The following GPC6 variants were observed in gnomAD, a reference collection of about 807,000 sequenced individuals.
GPC6 encodes glypican-6.
A neutral mutation model predicts 55.2 loss-of-function variants in GPC6; 14 were observed. The ratio of observed to expected loss-of-function variants is 0.25; its 90% confidence interval spans 0.17 to 0.40. GPC6 has a LOEUF of 0.40. Among genes scored for constraint, GPC6 ranks in the 10% least tolerant of loss-of-function variants. GPC6 has a pLI of 1.00. For synonymous variants in GPC6, 278 were observed against 259.6 expected (o/e 1.07, Z -0.68); for missense variants, 641 against 708.5 (o/e 0.90, Z 1.08).
intron 4 of GPC6, among the ~76,000 whole-genome samples, chr13:94,126,040 G>A (rs1255061797): frequency 2.0e-5 from 3 of 152,040 alleles, no homozygotes; most frequent in Admixed American, 1.3e-4. Flanking sequence ...AATATAAGGA[G>A]GGCATCATGA....
At chr13:93,591,625 T>A (rs1320200008) in intron 2 of GPC6, among the ~76,000 whole-genome samples, 1 of 152,208 alleles carries the variant, frequency 6.6e-6, no homozygotes, top group Non-Finnish European at 1.5e-5. Context: ...TTTCAGTATG[T>A]TTCAGAAGTC....
At chr13:93,730,444 T>C in intron 2 of GPC6, among the ~76,000 whole-genome samples, 1 of 152,228 alleles carries the variant, frequency 6.6e-6, no homozygotes, top group East Asian at 1.9e-4. Context: ...CTTGTTGCTG[T>C]TTCATTGCAT....
intron 2 of GPC6, among the ~76,000 whole-genome samples, chr13:93,656,667 A>G (rs1375920259): frequency 6.6e-6 from 1 of 152,114 alleles, no homozygotes; most frequent in Non-Finnish European, 1.5e-5. Flanking sequence ...AATATATCTA[A>G]TATTTGCAGC....
intron 1 of GPC6, among the ~76,000 whole-genome samples, chr13:93,277,968 A>G (rs987635081): frequency 2.0e-5 from 3 of 152,188 alleles, no homozygotes; most frequent in African/African-American, 7.2e-5. Flanking sequence ...AGTGTATATT[A>G]TATCCCAGTG....
intron 4 of GPC6, among the ~76,000 whole-genome samples, chr13:94,143,497 T>TTC (rs952791215): frequency 6.6e-6 from 1 of 152,204 alleles, no homozygotes; most frequent in Non-Finnish European, 1.5e-5. Context: ...AATCATGACA[T>TTC]TCTTCTCAGA....
intron 4 of GPC6, among the ~76,000 whole-genome samples, chr13:94,116,470 T>C (rs928294111): frequency 2.0e-5 from 3 of 152,080 alleles, no homozygotes; most frequent in Non-Finnish European, 4.4e-5. Context: ...CCTGAACACA[T>C]TGAGCTTAGA....
chr13:94,101,109 C>T (rs1043928140), intron 4 of GPC6, among the ~76,000 whole-genome samples: 4 of 152,246 alleles, frequency 2.6e-5, no homozygotes, highest in African/African-American at 9.6e-5. Flanking sequence ...TCTTGCTTCT[C>T]TTTCTTTCTG....
At chr13:94,005,648 C>T (rs1055416902) in intron 3 of GPC6, among the ~76,000 whole-genome samples, 14 of 152,178 alleles carry the variant, frequency 9.2e-5, no homozygotes, top group African/African-American at 3.4e-4. Context: ...TCAATTTCCT[C>T]ATCCCTTGAT....
intron 4 of GPC6, among the ~76,000 whole-genome samples, chr13:94,085,087 G>C (rs180929473): frequency 6.6e-6 from 1 of 151,966 alleles, no homozygotes; most frequent in Non-Finnish European, 1.5e-5. Context: ...ACTTTGGGAG[G>C]CCGAGGCAGG....
intron 2 of GPC6, among the ~76,000 whole-genome samples, chr13:93,720,027 T>C (rs1226281979): frequency 2.6e-5 from 4 of 152,110 alleles, no homozygotes; most frequent in African/African-American, 9.7e-5. Flanking sequence ...TCATCTGATA[T>C]ATTGGCCTGA....
At chr13:93,704,927 G>A (rs1451518200) in intron 2 of GPC6, among the ~76,000 whole-genome samples, 1 of 151,906 alleles carries the variant, frequency 6.6e-6, no homozygotes, top group Admixed American at 6.6e-5. Context: ...AGGGCAGTCT[G>A]CTTGGATCTT....
rs373280105 is a variant in GPC6, at chr13:93,302,441, A to G, written c.160+74825A>G. Among the ~76,000 whole-genome samples the G allele has an allele frequency of 1.2e-3, 176 of 152,332 alleles. 1 individual carries two copies. The highest frequency in any genetic ancestry group is 3.7e-3 in the African/African-American group (154 of 41,582). On this transcript the variant is annotated intron_variant, in intron 1 of 8. Transcript: ENST00000377047. Reference sequence around the variant, plus strand: ...TTTTAACCTGGAGTATGTTTTAAGAATAGCACTTTGTATTCAGTGGACAGT... The same window carrying G: ...TTTTAACCTGGAGTATGTTTTAAGAGTAGCACTTTGTATTCAGTGGACAGT...
At chr13:93,972,214 C>A (rs756683471) in intron 3 of GPC6, among the ~76,000 whole-genome samples, 1 of 152,172 alleles carries the variant, frequency 6.6e-6, no homozygotes, top group Admixed American at 6.5e-5. Context: ...GTTTGCTATC[C>A]GCTATCAAAT....
chr13:93,389,233 T>G (rs1352315198), intron 1 of GPC6, among the ~76,000 whole-genome samples: 2 of 151,996 alleles, frequency 1.3e-5, no homozygotes, highest in East Asian at 3.9e-4. Flanking sequence ...CACGGTGGCT[T>G]ATGCCTGTAA....
At chr13:93,444,859 C>T (rs34136695) in intron 1 of GPC6, among the ~76,000 whole-genome samples, 32,230 of 151,968 alleles carry the variant, frequency 0.21, 3,578 homozygotes, top group Middle Eastern at 0.28. Flanking sequence ...CCAAATATGT[C>T]TAATATTTTG....
rs1466052879 is a variant in GPC6 at position 94,407,568 on chromosome 13, CA to C, written c.*4352del. Among the ~76,000 whole-genome samples, 4 of 152,122 alleles carry C rather than the reference CA, an allele frequency of 2.6e-5. No individual in the cohort carries two copies. Among genetic ancestry groups the C allele is most frequent in the African/African-American group, 7.2e-5 (3 of 41,438 alleles). ...CCTAAGTACACTCAGCATCTGAAAT[CA>C]GGAACTATTTGAACTTTAGAACATT... On this transcript the variant is annotated 3_prime_UTR_variant, in exon 9 of 9. Transcript: ENST00000377047.
chr13:94,034,301 C>T (rs909930930), intron 4 of GPC6, among the ~76,000 whole-genome samples: 2 of 152,078 alleles, frequency 1.3e-5, no homozygotes, highest in Non-Finnish European at 2.9e-5. Context: ...TCGCTGGCTA[C>T]ATTTGCTATC....
intron 3 of GPC6, among the ~76,000 whole-genome samples, chr13:93,979,281 TTGTGTGTGTGTGTGTGTGTGTG>T (rs72400372): frequency 2.1e-5 from 3 of 140,268 alleles, no homozygotes; most frequent in Admixed American, 7.0e-5. Context: ...GACACTTCTT[TTGTGTGTGTGTGTGTGTGTGTG>T]TGTGTGTGTG....
chr13:94,339,176 G>A (rs754638361), intron 6 of GPC6, among the ~76,000 whole-genome samples: 2 of 151,756 alleles, frequency 1.3e-5, no homozygotes, highest in African/African-American at 2.4e-5. Context: ...GCAGTCCTCC[G>A]GCCTCAGCCC....
Sources: gnomAD v4.1 joint callset for allele counts (sites outside exome capture counted in the v4.1 genomes callset) on GRCh38, gnomAD v4.1.1 for gene constraint, MANE v1.5 for transcripts, NCBI Gene and HGNC (gene_info 2026-07-23, HGNC 2026-07-21) for gene names.